Variants in GRHL3 observed in about 807,000 individuals in gnomAD.
GRHL3 encodes grainyhead-like protein 3 homolog.
Under a neutral mutation model 70.3 loss-of-function variants are expected in GRHL3, and 20 were observed. That is an observed-to-expected ratio of 0.28 (90% confidence interval 0.20 to 0.41). The LOEUF (loss-of-function observed/expected upper bound fraction) is 0.41. GRHL3 is among the 10% of genes least tolerant of loss of function. GRHL3 has a pLI of 1.00. For missense variants in GRHL3, 637 were observed against 762.3 expected (o/e 0.84, Z 1.94); for synonymous variants, 299 against 299.9 (o/e 1.00, Z 0.03).
At chr1:24,335,194 C>T (rs185859512) in intron 3 of GRHL3, among the ~76,000 whole-genome samples, 8 of 152,316 alleles carry the variant, frequency 5.3e-5, no homozygotes, top group African/African-American at 1.9e-4. Flanking sequence ...CCCCTGAAGA[C>T]CCACAGCCTC....
At chr1:24,335,604 A>T (rs571011008) in intron 3 of GRHL3, among the ~76,000 whole-genome samples, 198 of 140,784 alleles carry the variant, frequency 1.4e-3, no homozygotes, top group Non-Finnish European at 2.4e-3. Context: ...TTTTTTTGAG[A>T]CGGAGTCTCG....
chr1:24,340,240 G>T (rs1309148208), intron 8 of GRHL3, among the ~76,000 whole-genome samples: 1 of 152,240 alleles, frequency 6.6e-6, no homozygotes, highest in Admixed American at 6.5e-5. Flanking sequence ...AGCGCAGAAT[G>T]TCGCATGCAG....
At chr1:24,343,984 G>T (rs1409303066) in intron 11 of GRHL3, among the ~76,000 whole-genome samples, 1 of 152,218 alleles carries the variant, frequency 6.6e-6, no homozygotes, top group Non-Finnish European at 1.5e-5. Flanking sequence ...TGGCCCCGCA[G>T]CACAGGCGGC....
At chr1:24,361,589 T>C (rs964368742) in intron 15 of GRHL3, among the ~76,000 whole-genome samples, 1 of 152,068 alleles carries the variant, frequency 6.6e-6, no homozygotes, top group Non-Finnish European at 1.5e-5. Flanking sequence ...CACTGTAACA[T>C]TGACATTCCA....
In GRHL3 at chr1:24,342,183, G is replaced by C; in HGVS notation, c.1116G>C (p.Leu372=). The C allele has an allele frequency of 6.2e-7, 1 of 1,613,462 alleles. No homozygotes were observed. Reference sequence around the variant, plus strand: ...AAAAGGGGGTGAAGGGTGTCCCCCTGAACCTGCAGATTGACACCTATGACT... The same window carrying C: ...AAAAGGGGGTGAAGGGTGTCCCCCTCAACCTGCAGATTGACACCTATGACT... The part of the protein sequence containing the change: ...SSQKGVKGVP[L]NLQIDTYDCG... Residue 372 remains leucine (L), a synonymous_variant, in exon 9 of 16, where the codon CTG becomes CTC. Transcript: ENST00000361548. The surrounding 1 kb of genome is among the most constrained non-coding windows in gnomAD (Gnocchi z 4.8).
At position 24,342,029 on chromosome 1, in the gene GRHL3, G is replaced by C; in HGVS notation, c.1048-86G>C. On this transcript the variant is annotated intron_variant, in intron 8 of 15. Transcript: ENST00000361548. This position sits in a 1 kb window ranked among gnomAD's most constrained non-coding sequence, Gnocchi z 4.8. ...CTTAAGGGTGAGCAGCAGGCACACA[G>C]AAAGCTAGAAATACAGGATCACTGT... is the stretch of plus-strand genomic sequence containing the variant. 7.6e-7 allele frequency: 1 copy of C among 1,316,164 alleles called. No individual in the cohort carries two copies. Among genetic ancestry groups the C allele is most frequent in the Non-Finnish European group, 1.0e-6 (1 of 965,132 alleles). 81.5% of individuals were successfully genotyped at this position (1,316,164 alleles called of 1,614,324 possible).
Position 24,362,810 on chromosome 1 carries a change from C to T in GRHL3, c.1695-1375C>T, listed in dbSNP as rs545094351. Among the ~76,000 whole-genome samples, 18 of 152,298 alleles carry T rather than the reference C, an allele frequency of 1.2e-4. No homozygotes were observed. The South Asian group carries it at 3.7e-3, about 32-fold the overall frequency. ...CTCACATCTTGTGGTGGAGGAGCAGCTGGCGTGGATGCTTATATTTAGAAC... is the reference window on the plus strand; with the variant it reads ...CTCACATCTTGTGGTGGAGGAGCAGTTGGCGTGGATGCTTATATTTAGAAC... On this transcript the variant is annotated intron_variant, in intron 15 of 15. Coordinates refer to the GRHL3 transcript ENST00000350501.
intron 8 of GRHL3, among the ~76,000 whole-genome samples, chr1:24,341,216 C>T (rs1483567167): frequency 6.6e-6 from 1 of 152,136 alleles, no homozygotes; most frequent in Non-Finnish European, 1.5e-5. Flanking sequence ...CCCAGGCGAC[C>T]ATCAGTTGGG....
intron 1 of GRHL3, among the ~76,000 whole-genome samples, chr1:24,331,067 T>C (rs2148651570): frequency 6.6e-6 from 1 of 152,378 alleles, no homozygotes; most frequent in South Asian, 2.1e-4. Flanking sequence ...CGTATCACAT[T>C]GCAGCTTATC....
chr1:24,324,289 G>C (rs1269811595), intron 1 of GRHL3, among the ~76,000 whole-genome samples: 1 of 152,154 alleles, frequency 6.6e-6, no homozygotes, highest in Non-Finnish European at 1.5e-5. Context: ...AAAAGTGTCT[G>C]CTGCAGCCTG....
In GRHL3 at chr1:24,337,994, T is replaced by C; in HGVS notation, c.843T>C (p.Ser281=). ...ACTGTGACCAACTGTGCTTGCAGAG[T>C]GTGGTGATGGTTGTCTTCGACAATG... ...GLALSSNKVK[S]VVMVVFDNEK... is the part of the protein sequence containing the mutation. Residue 281 remains serine (S), a splice_region_variant and synonymous_variant, in exon 7 of 16, where the codon AGT becomes AGC. Transcript: ENST00000361548. 1.2e-6 allele frequency: 2 copies of C among 1,601,580 alleles called. No homozygotes were observed. The highest frequency in any genetic ancestry group is 1.1e-5 in the South Asian group (1 of 88,928).
intron 15 of GRHL3, among the ~76,000 whole-genome samples, chr1:24,352,099 A>G (rs1038197132): frequency 6.6e-6 from 1 of 152,038 alleles, no homozygotes; most frequent in African/African-American, 2.4e-5. Context: ...GCAGCCCTTC[A>G]CAGGCACCCC....
In GRHL3 at chr1:24,342,631, C is replaced by T; in HGVS notation, c.1207-63C>T. Reference sequence around the variant, plus strand: ...GGCCCATATTTAAGATGCAAAGCAGCAGCTGTGAAAGTAGCTAGCCCCTCC... The same window carrying T: ...GGCCCATATTTAAGATGCAAAGCAGTAGCTGTGAAAGTAGCTAGCCCCTCC... On this transcript the variant is annotated intron_variant, in intron 9 of 15. Coordinates refer to ENST00000361548, the MANE Select transcript of GRHL3 (RefSeq NM_198173.3). The surrounding 1 kb of genome is among the most constrained non-coding windows in gnomAD (Gnocchi z 4.8). 1 of 1,371,192 alleles carries T rather than the reference C, an allele frequency of 7.3e-7. No individual in the cohort carries two copies. Among genetic ancestry groups the T allele is most frequent in the Non-Finnish European group, 1.0e-6 (1 of 960,144 alleles). The allele number at this position is 1,371,192 out of a possible 1,614,324, so 84.9% of individuals were successfully genotyped here.
Position 24,330,158 on chromosome 1 carries a change from T to C in GRHL3, c.18-1268T>C, listed in dbSNP as rs534154524. Among the ~76,000 whole-genome samples, 62 of 152,374 alleles carry C rather than the reference T, an allele frequency of 4.1e-4. No homozygotes were observed. The South Asian group carries it at 0.012, about 31-fold the overall frequency. On this transcript the variant is annotated intron_variant, in intron 1 of 15. Transcript: ENST00000361548. ...TTCAGTGCACCTTTACATTGTATAA[T>C]GACCAAATCAGGATAATTGCCATAT...
rs1639712824 is a variant in GRHL3, at chr1:24,334,266, C to T, written c.205-379C>T. Among the ~76,000 whole-genome samples, 1 of 152,166 alleles carries T rather than the reference C, an allele frequency of 6.6e-6. No homozygotes were observed. The highest frequency in any genetic ancestry group is 2.4e-5 in the African/African-American group (1 of 41,434). On this transcript the variant is annotated intron_variant, in intron 2 of 15. Coordinates refer to ENST00000361548, the MANE Select transcript of GRHL3 (RefSeq NM_198173.3). The surrounding 1 kb of genome is among the most constrained non-coding windows in gnomAD (Gnocchi z 4.3). ...TTAAAGGAAAGAGGTTTAATTGACT[C>T]ACAGTTCAGCATGGCCAGGGAGGCG...
chr1:24,344,485 G>GAAA (rs57193515), intron 11 of GRHL3, among the ~76,000 whole-genome samples: 14 of 55,792 alleles, frequency 2.5e-4, no homozygotes, highest in African/African-American at 5.2e-4. Flanking sequence ...TTTCCCCCCA[G>GAAA]AAAAAAAAAA....
chr1:24,335,556 G>C (rs1325241447), intron 3 of GRHL3, among the ~76,000 whole-genome samples: 1 of 151,762 alleles, frequency 6.6e-6, no homozygotes, highest in Non-Finnish European at 1.5e-5. Flanking sequence ...CAGTGGGTTT[G>C]GGTACATGGG....
At chr1:24,331,062 C>A (rs960391993) in intron 1 of GRHL3, among the ~76,000 whole-genome samples, 39 of 152,246 alleles carry the variant, frequency 2.6e-4, no homozygotes, top group Admixed American at 1.1e-3. Context: ...TTATTCGTAT[C>A]ACATTGCAGC....
chr1:24,341,860 TG>T (rs1640056047), intron 8 of GRHL3, among the ~76,000 whole-genome samples: 2 of 152,252 alleles, frequency 1.3e-5, no homozygotes, highest in African/African-American at 4.8e-5. Context: ...GTGAAAAGCC[TG>T]GGCTGTGAGT....
Sources: gnomAD v4.1 joint callset for allele counts (sites outside exome capture counted in the v4.1 genomes callset) on GRCh38, gnomAD v4.1.1 for gene constraint, Gnocchi (gnomAD v3.1) non-coding constraint, MANE v1.5 for transcripts, NCBI Gene and HGNC (gene_info 2026-07-23, HGNC 2026-07-21) for gene names.